WBP1L: variants seen among roughly 807,000 people sequenced by gnomAD.
WBP1L encodes the protein WW domain binding protein 1 like, also known as WW domain binding protein 1-like.
WBP1L carries 17 observed loss-of-function variants against 33.7 expected under a neutral mutation model. That is an observed-to-expected ratio of 0.50 (90% CI 0.34 to 0.76). WBP1L has a LOEUF of 0.76. WBP1L is among the 30% of genes least tolerant of loss of function. The probability of loss-of-function intolerance (pLI) is 0.01; values close to 1 mark genes in which losing one functional copy is unlikely to be tolerated. For missense variants in WBP1L, 389 were observed against 469.4 expected (o/e 0.83, Z 1.58); for synonymous variants, 173 against 190.8 (o/e 0.91, Z 0.77).
chr10:102,753,858 T>C (rs980579183), intron 1 of WBP1L, among the ~76,000 whole-genome samples: 23 of 152,212 alleles, frequency 1.5e-4, no homozygotes, highest in Non-Finnish European at 3.2e-4. Context: ...ACATGTCTGT[T>C]TTGATTTTTA....
Position 102,809,881 on chromosome 10 carries a change from C to T in WBP1L, c.194-12C>T. The stretch of plus-strand genomic sequence containing the variant: ...CTGTGTGCCTCTCTGTCTTGCCTTG[C>T]CCACCCCCCAGGGTTCTGGCTGGTG... On this transcript the variant is annotated splice_polypyrimidine_tract_variant and intron_variant, in intron 2 of 3. Transcript: ENST00000448841. 6.2e-7 allele frequency: 1 copy of T among 1,604,298 alleles called. No individual in the cohort carries two copies. Among genetic ancestry groups the T allele is most frequent in the Middle Eastern group, 1.7e-4 (1 of 5,900 alleles).
chr10:102,788,036 G>C (rs1426072146), intron 1 of WBP1L, among the ~76,000 whole-genome samples: 1 of 150,090 alleles, frequency 6.7e-6, no homozygotes, highest in African/African-American at 2.5e-5. Context: ...CCGAGATCGT[G>C]CCACTGTACT....
intron 1 of WBP1L, among the ~76,000 whole-genome samples, chr10:102,791,851 C>T (rs1843503514): frequency 2.0e-5 from 3 of 152,194 alleles, no homozygotes; most frequent in Admixed American, 6.5e-5. Context: ...GTTTTCCAGA[C>T]CCATAAATTG....
intron 1 of WBP1L, among the ~76,000 whole-genome samples, chr10:102,749,338 G>A (rs750870064): frequency 2.7e-4 from 41 of 152,132 alleles, no homozygotes; most frequent in East Asian, 1.2e-3. Flanking sequence ...TGGTGTAGTC[G>A]TAGCTCACTG....
chr10:102,815,132 CA>C lies in WBP1L; in HGVS notation c.*1803del, dbSNP rs1843914813. The C allele has an allele frequency of 6.6e-6, 1 of 152,598 alleles. No homozygotes were observed. Among genetic ancestry groups the C allele is most frequent in the Non-Finnish European group, 1.5e-5 (1 of 68,044 alleles). The allele number at this position is 152,598 out of a possible 1,614,324, so 9.5% of individuals were successfully genotyped here. A position where few individuals can be genotyped will look rare whatever the true frequency, so the allele number is the denominator to read the frequency against. On this transcript the variant is annotated 3_prime_UTR_variant, in exon 4 of 4. Coordinates refer to ENST00000448841, the MANE Select transcript of WBP1L (RefSeq NM_001083913.2). ...ACGTCTGGAGCACAGACAGGCCTCT[CA>C]AGGTCATTGATCTTACGCATTTACT...
At chr10:102,762,567 C>T (rs191266596) in intron 1 of WBP1L, among the ~76,000 whole-genome samples, 1 of 152,312 alleles carries the variant, frequency 6.6e-6, no homozygotes, top group Admixed American at 6.5e-5. Flanking sequence ...CTTTCTTCCA[C>T]CCTGCAAAAC....
intron 1 of WBP1L, among the ~76,000 whole-genome samples, chr10:102,749,292 T>C (rs1361352906): frequency 6.6e-6 from 1 of 152,194 alleles, no homozygotes; most frequent in African/African-American, 2.4e-5. Flanking sequence ...AGAATCTTGC[T>C]CTGTTGCCCA....
chr10:102,746,259 C>T, intron 1 of WBP1L: 1 of 665,022 alleles, frequency 1.5e-6, no homozygotes. Flanking sequence ...ATATCTGTGG[C>T]ACTTCTAATA....
intron 1 of WBP1L, among the ~76,000 whole-genome samples, chr10:102,751,023 C>T (rs1339603876): frequency 6.6e-6 from 1 of 152,016 alleles, no homozygotes; most frequent in Non-Finnish European, 1.5e-5. Flanking sequence ...TTTTTTGAGA[C>T]AGAGTCTCAC....
chr10:102,812,797 C>T lies in WBP1L; in HGVS notation c.558C>T (p.Ser186=). ...AGAGCAGCCCCTTGTCTGAGCCCAG[C>T]AGAAGCAGCACAAGACCCCCAAGCA... ...GAQSSPLSEP[S]RSSTRPPSIA... Residue 186 remains serine, a synonymous_variant, in exon 4 of 4, where the codon AGC becomes AGT. Transcript: ENST00000448841. The T allele has an allele frequency of 6.2e-7, 1 of 1,604,718 alleles. No individual in the cohort carries two copies. The highest frequency in any genetic ancestry group is 1.1e-5 in the South Asian group (1 of 89,944).
At position 102,812,694 on chromosome 10, in the gene WBP1L, A is replaced by G; in HGVS notation, c.455A>G (p.Gln152Arg). The stretch of plus-strand genomic sequence containing the variant: ...AGTGCCTTCCAGCTACAGCAGCAGC[A>G]GCTGCTGCCTCCACAGTGTGGCCCT... The part of the protein sequence containing the change: ...PYSAFQLQQQ[Q>R]LLPPQCGPAG... The change falls in exon 4 of 4, where the codon CAG becomes CGG. Residue 152 changes from glutamine (Q) to arginine (R), a missense_variant. By Grantham distance (43) the Gln-to-Arg change is conservative. Coordinates refer to ENST00000448841, the MANE Select transcript of WBP1L (RefSeq NM_001083913.2). The G allele has an allele frequency of 1.9e-6, 3 of 1,613,732 alleles. No individual in the cohort carries two copies. Among genetic ancestry groups the G allele is most frequent in the Non-Finnish European group, 2.5e-6 (3 of 1,179,800 alleles).
rs1359493779 is a variant in WBP1L, at chr10:102,816,057, GA to G, written c.*2728del. Reference sequence around the variant, plus strand: ...GAGGGTTTGGTGCTACAGCCAGTCAGAAGATTTGCAAATGCGAACACATTCC... The same window carrying G: ...GAGGGTTTGGTGCTACAGCCAGTCAGAGATTTGCAAATGCGAACACATTCC... On this transcript the variant is annotated 3_prime_UTR_variant, in exon 4 of 4. Transcript: ENST00000448841. 1 of 152,662 alleles carries G rather than the reference GA, an allele frequency of 6.6e-6. No individual in the cohort carries two copies. Among genetic ancestry groups the G allele is most frequent in the Non-Finnish European group, 1.5e-5 (1 of 68,040 alleles). 9.5% of individuals were successfully genotyped at this position (152,662 alleles called of 1,614,324 possible). A position where few individuals can be genotyped will look rare whatever the true frequency, so the allele number is the denominator to read the frequency against.
intron 1 of WBP1L, among the ~76,000 whole-genome samples, chr10:102,766,405 C>T (rs1393948823): frequency 2.2e-5 from 3 of 136,364 alleles, no homozygotes; most frequent in Non-Finnish European, 3.1e-5. Flanking sequence ...CGCACCATTG[C>T]ACTCCAGCCT....
chr10:102,784,335 C>A (rs531170873), intron 1 of WBP1L, among the ~76,000 whole-genome samples: 10 of 152,098 alleles, frequency 6.6e-5, no homozygotes, highest in Non-Finnish European at 1.0e-4. Flanking sequence ...CATACTAACA[C>A]CCCCACTCCC....
intron 1 of WBP1L, among the ~76,000 whole-genome samples, chr10:102,747,984 C>T (rs1054688392): frequency 7.9e-5 from 12 of 152,042 alleles, no homozygotes; most frequent in South Asian, 4.1e-4. Context: ...GGGCCTGGCA[C>T]GGTGGCTCAC....
At chr10:102,798,174 A>G in intron 2 of WBP1L, 79 bp downstream of exon 2, 1 of 1,277,272 alleles carries the variant, frequency 7.8e-7, no homozygotes, top group Non-Finnish European at 1.1e-6. Context: ...TCTGGGCATT[A>G]GCCCTTTTCG....
intron 1 of WBP1L, among the ~76,000 whole-genome samples, chr10:102,746,534 C>T (rs1381059653): frequency 6.6e-6 from 1 of 151,750 alleles, no homozygotes; most frequent in Non-Finnish European, 1.5e-5. Flanking sequence ...TTTTAACCTT[C>T]GGAATGCAAG....
intron 2 of WBP1L, among the ~76,000 whole-genome samples, chr10:102,802,887 TAAC>T (rs979000961): frequency 2.6e-5 from 4 of 152,238 alleles, no homozygotes; most frequent in Non-Finnish European, 5.9e-5. Flanking sequence ...GTTAAGCCTG[TAAC>T]AACAACAATA....
At chr10:102,780,533 G>A (rs1011795886) in intron 1 of WBP1L, among the ~76,000 whole-genome samples, 1 of 152,128 alleles carries the variant, frequency 6.6e-6, no homozygotes, top group Non-Finnish European at 1.5e-5. Context: ...GGTTTCTTAG[G>A]AGCAACACTC....
Sources: allele counts gnomAD v4.1 joint callset (sites outside exome capture counted in the v4.1 genomes callset), GRCh38; gene constraint gnomAD v4.1.1; transcripts MANE v1.5; gene names NCBI Gene and HGNC (gene_info 2026-07-23, HGNC 2026-07-21).